DNAH11: variants seen among roughly 807,000 people sequenced by gnomAD.
The protein encoded by DNAH11 is dynein axonemal heavy chain 11, also known as axonemal beta dynein heavy chain 11.
DNAH11 carries 442 observed loss-of-function variants against 526.0 expected under a neutral mutation model. The ratio of observed to expected loss-of-function variants is 0.84; its 90% CI spans 0.78 to 0.91. The LOEUF (loss-of-function observed/expected upper bound fraction) is 0.91, where lower values mean the gene tolerates loss of function less well. Ranked by LOEUF, DNAH11 falls within the 40% of genes least tolerant of loss-of-function variation. DNAH11 has a pLI of 0.00. For synonymous variants in DNAH11, 2,461 were observed against 1,935.9 expected, an observed-to-expected ratio of 1.27 and a Z score of -7.12; for missense variants, 6,989 against 5,448.7, an observed-to-expected ratio of 1.28 and a Z score of -8.90.
At chr7:21,842,859 C>T (rs1421837771) in intron 66 of DNAH11, 111 bp downstream of exon 66, 3 of 927,712 alleles carry the variant, frequency 3.2e-6, no homozygotes, top group Non-Finnish European at 4.7e-6. Context: ...AATCCTGCAA[C>T]CTAATTGGGA....
chr7:21,740,315 C>T (rs1225562324), intron 48 of DNAH11, among the ~76,000 whole-genome samples: 1 of 152,130 alleles, frequency 6.6e-6, no homozygotes, highest in East Asian at 1.9e-4. Context: ...CAGCCAAGAT[C>T]ACCACCCATC....
At chr7:21,615,570 T>C (rs1330096440) in intron 21 of DNAH11, among the ~76,000 whole-genome samples, 1 of 151,544 alleles carries the variant, frequency 6.6e-6, no homozygotes, top group Non-Finnish European at 1.5e-5. Context: ...TATATAAATA[T>C]ATATTACATG....
intron 68 of DNAH11, among the ~76,000 whole-genome samples, chr7:21,860,168 G>C (rs1201904302): frequency 6.6e-6 from 1 of 151,776 alleles, no homozygotes; most frequent in Non-Finnish European, 1.5e-5. Flanking sequence ...ATGAAAGTTT[G>C]TCTCAAACAA....
At chr7:21,659,725 G>A (rs1443971438) in intron 30 of DNAH11, among the ~76,000 whole-genome samples, 1 of 152,054 alleles carries the variant, frequency 6.6e-6, no homozygotes, top group Non-Finnish European at 1.5e-5. Flanking sequence ...AACCTGGTAG[G>A]ATTGTACCTT....
intron 68 of DNAH11, among the ~76,000 whole-genome samples, chr7:21,861,071 C>G (rs1783046209): frequency 6.6e-6 from 1 of 152,048 alleles, no homozygotes; most frequent in South Asian, 2.1e-4. Context: ...GGGGAAACAG[C>G]CAAACCACAT....
At chr7:21,897,445 T>TC (rs1784558618) in intron 79 of DNAH11, among the ~76,000 whole-genome samples, 9 of 151,838 alleles carry the variant, frequency 5.9e-5, no homozygotes, top group Non-Finnish European at 1.2e-4. Context: ...GCATACTTCT[T>TC]TTCCCTTTAT....
chr7:21,742,199 G>A (rs776245217), intron 49 of DNAH11, 33 bp downstream of exon 49: 1 of 1,605,550 alleles, frequency 6.2e-7, no homozygotes, highest in Non-Finnish European at 8.5e-7. Flanking sequence ...TGCCTCTTGA[G>A]TAGAGAAATA....
chr7:21,888,088 G>T (rs1329965561), intron 76 of DNAH11, among the ~76,000 whole-genome samples: 3 of 152,128 alleles, frequency 2.0e-5, no homozygotes, highest in African/African-American at 7.2e-5. Flanking sequence ...CTTGCTGTCT[G>T]GCTTTGTGCA....
intron 66 of DNAH11, among the ~76,000 whole-genome samples, chr7:21,849,070 A>G (rs528738510): frequency 2.6e-5 from 4 of 152,270 alleles, no homozygotes; most frequent in African/African-American, 9.6e-5. Context: ...TTTTTAGTAG[A>G]GATGGGATTT....
Position 21,861,892 on chromosome 7 carries a change from G to A in DNAH11, c.11242G>A (p.Asp3748Asn), listed in dbSNP as rs1488189007. The change falls in exon 69 of 82, where the codon GAC becomes AAC. Residue 3748 changes from aspartate to asparagine, a missense_variant. Coordinates refer to ENST00000409508, the MANE Select transcript of DNAH11 (RefSeq NM_001277115.2). ...GTTCCACAGAGCGATCGAGCAGGCT[G>A]ACAAGGTGGAAGACATGCAGGGACG... ...VLFHRAIEQA[D>N]KVEDMQGRIS... 4 of 1,613,542 alleles carry A rather than the reference G, an allele frequency of 2.5e-6. No homozygotes were observed. Among genetic ancestry groups the A allele is most frequent in the Admixed American group, 3.3e-5 (2 of 59,946 alleles).
At chr7:21,624,020 A>T (rs1786211184) in intron 25 of DNAH11, among the ~76,000 whole-genome samples, 2 of 151,810 alleles carry the variant, frequency 1.3e-5, no homozygotes, top group South Asian at 4.1e-4. Context: ...CACTTTCTTA[A>T]TATCACTAAC....
At chr7:21,691,840 CT>C (rs956082889) in intron 35 of DNAH11, among the ~76,000 whole-genome samples, 7 of 151,892 alleles carry the variant, frequency 4.6e-5, no homozygotes, top group East Asian at 1.9e-4. Flanking sequence ...TTGTCTTTTC[CT>C]TTTTTTTATT....
At chr7:21,768,187 G>T (rs1787262798) in intron 55 of DNAH11, among the ~76,000 whole-genome samples, 1 of 152,186 alleles carries the variant, frequency 6.6e-6, no homozygotes, top group Non-Finnish European at 1.5e-5. Flanking sequence ...TTTTGAAATG[G>T]AGATGGGAGG....
At chr7:21,815,558 C>G (rs1789743771) in intron 63 of DNAH11, among the ~76,000 whole-genome samples, 2 of 152,216 alleles carry the variant, frequency 1.3e-5, no homozygotes, top group East Asian at 3.9e-4. Context: ...TACAGCCTCC[C>G]CTACCTACTA....
rs141815779 is a variant in DNAH11, at chr7:21,821,870, C to G, written c.10691+3531C>G. 9.6e-3 allele frequency among the ~76,000 whole-genome samples: 1,462 copies of G among 152,238 alleles called. 14 individuals are homozygous for G. The highest frequency in any genetic ancestry group is 0.013 in the Non-Finnish European group (871 of 68,006). On this transcript the variant is annotated intron_variant, in intron 65 of 81. Coordinates refer to ENST00000409508, the MANE Select transcript of DNAH11 (RefSeq NM_001277115.2). ...TATCTTCCACCTCCCCCGCCAGCTT[C>G]TCTTCCTGGCCTGTTGTAACCACCA...
chr7:21,837,044 A>G (rs1782022711), intron 65 of DNAH11, among the ~76,000 whole-genome samples: 1 of 152,020 alleles, frequency 6.6e-6, no homozygotes, highest in Non-Finnish European at 1.5e-5. Flanking sequence ...ATAATGAAAT[A>G]TCATTTCACC....
chr7:21,868,742 T>G (rs1222078407), intron 72 of DNAH11, 122 bp from the exon 73 acceptor site: 3 of 1,288,754 alleles, frequency 2.3e-6, no homozygotes, highest in Non-Finnish European at 3.2e-6. Flanking sequence ...TTGGGATTCT[T>G]CAGGAAAGTC....
chr7:21,815,058 C>T (rs938359256), intron 63 of DNAH11, among the ~76,000 whole-genome samples: 2 of 151,930 alleles, frequency 1.3e-5, no homozygotes, highest in African/African-American at 2.4e-5. Context: ...GGTTTTATTT[C>T]CCCTACTGAG....
chr7:21,722,021 T>G, intron 44 of DNAH11, among the ~76,000 whole-genome samples: 1 of 152,210 alleles, frequency 6.6e-6, no homozygotes, highest in East Asian at 1.9e-4. Context: ...GGAAAACACT[T>G]GAGACAAACA....
Sources: allele counts gnomAD v4.1 joint callset (sites outside exome capture counted in the v4.1 genomes callset), GRCh38; gene constraint gnomAD v4.1.1; transcripts MANE v1.5; gene names NCBI Gene and HGNC (gene_info 2026-07-23, HGNC 2026-07-21).